Variants in PRKD1 observed in about 807,000 individuals in gnomAD.
PRKD1 encodes protein kinase D1.
PRKD1 carries 63 observed loss-of-function variants against 95.9 expected under a neutral mutation model. The ratio of observed to expected loss-of-function variants is 0.66; its 90% confidence interval spans 0.54 to 0.81. The LOEUF (loss-of-function observed/expected upper bound fraction) is 0.81. PRKD1 is among the 30% of genes least tolerant of loss of function. The pLI is 0.00. For synonymous variants in PRKD1, 425 were observed against 423.1 expected, an observed-to-expected ratio of 1.00 and a Z score of -0.05; for missense variants, 1,048 against 1,165.3, an observed-to-expected ratio of 0.90 and a Z score of 1.47.
intron 1 of PRKD1, among the ~76,000 whole-genome samples, chr14:29,832,452 G>T (rs1234315372): frequency 6.6e-6 from 1 of 151,760 alleles, no homozygotes; most frequent in Non-Finnish European, 1.5e-5. Context: ...TATGTATGTT[G>T]TTTTCCTTCA....
chr14:29,774,000 T>C (rs188239230), intron 1 of PRKD1, among the ~76,000 whole-genome samples: 45 of 152,290 alleles, frequency 3.0e-4, no homozygotes, highest in Admixed American at 2.7e-3. Flanking sequence ...GTCATAAACG[T>C]TGGATCAAAG....
At chr14:29,783,241 A>C (rs1474710699) in intron 1 of PRKD1, among the ~76,000 whole-genome samples, 1 of 152,154 alleles carries the variant, frequency 6.6e-6, no homozygotes, top group Non-Finnish European at 1.5e-5. Context: ...TATGAATGAG[A>C]ACATGGAGTA....
chr14:29,901,581 TA>T (rs757040599), intron 1 of PRKD1, among the ~76,000 whole-genome samples: 10 of 151,946 alleles, frequency 6.6e-5, no homozygotes, highest in Non-Finnish European at 1.0e-4. Flanking sequence ...AAAATAAAAA[TA>T]AAAAAGATAC....
chr14:29,913,222 A>G (rs1402445916), intron 1 of PRKD1, among the ~76,000 whole-genome samples: 2 of 152,370 alleles, frequency 1.3e-5, no homozygotes, highest in East Asian at 1.9e-4. Context: ...ACCAAAAATG[A>G]CATGGTTAAT....
intron 1 of PRKD1, among the ~76,000 whole-genome samples, chr14:29,832,141 A>AT (rs1280037321): frequency 6.6e-6 from 1 of 152,164 alleles, no homozygotes; most frequent in Non-Finnish European, 1.5e-5. Context: ...ATACGGCCAT[A>AT]TACTTTTCCA....
intron 1 of PRKD1, among the ~76,000 whole-genome samples, chr14:29,812,780 G>C (rs1890544561): frequency 6.6e-6 from 1 of 152,142 alleles, no homozygotes; most frequent in South Asian, 2.1e-4. Flanking sequence ...TGGGGACACA[G>C]AGCCAAACCA....
At chr14:29,839,136 A>T (rs1198979032) in intron 1 of PRKD1, among the ~76,000 whole-genome samples, 1 of 152,206 alleles carries the variant, frequency 6.6e-6, no homozygotes, top group Non-Finnish European at 1.5e-5. Context: ...AAGAAGACTG[A>T]TGATTAACAG....
At chr14:29,773,458 T>C (rs1319601645) in intron 1 of PRKD1, among the ~76,000 whole-genome samples, 1 of 88,526 alleles carries the variant, frequency 1.1e-5, no homozygotes, top group Non-Finnish European at 2.2e-5. Context: ...AGGCTCTGTC[T>C]CAAAAAAAAA....
chr14:29,607,667 A>C (rs1878090096), intron 13 of PRKD1, among the ~76,000 whole-genome samples: 1 of 152,056 alleles, frequency 6.6e-6, no homozygotes, highest in East Asian at 1.9e-4. Flanking sequence ...CTTTGTGACT[A>C]CTTCATCTCT....
chr14:29,830,915 G>A (rs1358745027), intron 1 of PRKD1, among the ~76,000 whole-genome samples: 1 of 152,086 alleles, frequency 6.6e-6, no homozygotes, highest in Non-Finnish European at 1.5e-5. Context: ...AAACTGCTGG[G>A]CTAGAGGGAT....
At chr14:29,677,792 T>C (rs1490516193) in intron 2 of PRKD1, among the ~76,000 whole-genome samples, 1 of 152,208 alleles carries the variant, frequency 6.6e-6, no homozygotes, top group African/African-American at 2.4e-5. Context: ...CTCAAACTCC[T>C]GGCCTCAGGT....
chr14:29,656,056 G>A (rs1594400945), intron 4 of PRKD1, among the ~76,000 whole-genome samples: 1 of 152,022 alleles, frequency 6.6e-6, no homozygotes, highest in Non-Finnish European at 1.5e-5. Flanking sequence ...TGGTACCTGG[G>A]ATCAGGACAT....
chr14:29,925,381 C>G (rs918744348), intron 1 of PRKD1, among the ~76,000 whole-genome samples: 2 of 152,220 alleles, frequency 1.3e-5, no homozygotes, highest in Non-Finnish European at 2.9e-5. Flanking sequence ...GAAAAGATTA[C>G]TGAGGCTTCT....
intron 4 of PRKD1, among the ~76,000 whole-genome samples, chr14:29,661,805 A>T (rs1268270510): frequency 6.6e-6 from 1 of 152,218 alleles, no homozygotes; most frequent in African/African-American, 2.4e-5. Flanking sequence ...TAGCTTTAAA[A>T]AGTATCTTGT....
chr14:29,667,366 C>G (rs542596553), intron 2 of PRKD1, among the ~76,000 whole-genome samples: 1 of 152,140 alleles, frequency 6.6e-6, no homozygotes, highest in Non-Finnish European at 1.5e-5. Context: ...TTTTATTTTA[C>G]GAGAATTTTG....
At chr14:29,848,384 C>G (rs1264916514) in intron 1 of PRKD1, among the ~76,000 whole-genome samples, 1 of 152,062 alleles carries the variant, frequency 6.6e-6, no homozygotes, top group South Asian at 2.1e-4. Context: ...CACACACACA[C>G]TTTATTTTTC....
intron 2 of PRKD1, among the ~76,000 whole-genome samples, chr14:29,709,385 ACACAAATTT>A (rs1459159484): frequency 2.0e-5 from 3 of 152,188 alleles, no homozygotes; most frequent in African/African-American, 7.2e-5. Flanking sequence ...GAGATGATTA[ACACAAATTT>A]CAAGACAGCG....
intron 1 of PRKD1, among the ~76,000 whole-genome samples, chr14:29,902,751 G>C (rs1311952644): frequency 6.6e-6 from 1 of 152,022 alleles, no homozygotes; most frequent in African/African-American, 2.4e-5. Flanking sequence ...TATATTAGTA[G>C]TTCGTTATTT....
chr14:29,800,029 G>A (rs1017888902), intron 1 of PRKD1, among the ~76,000 whole-genome samples: 2 of 152,138 alleles, frequency 1.3e-5, no homozygotes, highest in East Asian at 1.9e-4. Flanking sequence ...GTGTCTCACA[G>A]AGAAAATACA....
Sources: allele counts gnomAD v4.1 joint callset (sites outside exome capture counted in the v4.1 genomes callset), GRCh38; gene constraint gnomAD v4.1.1; transcripts MANE v1.5; gene names NCBI Gene and HGNC (gene_info 2026-07-23, HGNC 2026-07-21).